Variants in PRPS1 observed in about 807,000 individuals in gnomAD.
PRPS1 encodes the protein phosphoribosyl pyrophosphate synthetase 1.
PRPS1 carries 1 observed loss-of-function variant against 16.9 expected under a neutral mutation model. That is an observed-to-expected ratio of 0.06 (90% CI 0.02 to 0.28). The LOEUF is 0.28. Ranked by LOEUF, PRPS1 falls within the 10% of genes least tolerant of loss-of-function variation. The probability of loss-of-function intolerance (pLI) is 1.00; values close to 1 mark genes in which losing one functional copy is unlikely to be tolerated. For missense variants in PRPS1, 47 were observed against 254.0 expected (o/e 0.19, Z 5.54); for synonymous variants, 70 against 90.2 (o/e 0.78, Z 1.27).
At chrX:107,648,923 C>G (rs1925766883) in intron 6 of PRPS1, among the ~76,000 whole-genome samples, 1 of 110,113 alleles carries the variant, frequency 9.1e-6, no homozygotes, top group Non-Finnish European at 1.9e-5. Context: ...CCACGCCTGA[C>G]TAATTTTTTA....
In PRPS1 at chrX:107,647,711, A is replaced by G. The variant is rs1304635289; in HGVS notation, c.810A>G (p.Val270=). 8.3e-7 allele frequency: 1 copy of G among 1,209,576 alleles called. No individual in the cohort carries two copies. The highest frequency in any genetic ancestry group is 1.7e-5 in the African/African-American group (1 of 57,241). The change falls in exon 6 of 7, where the codon GTA becomes GTG. Residue 270 remains valine (V), a synonymous_variant. Transcript: ENST00000372435. ...RINNACFEAV[V]VTNTIPQEDK... is the part of the protein sequence containing the mutation. ...ACAACGCATGCTTTGAGGCAGTAGT[A>G]GTCACCAATACCATACCTCAGGAGG...
chrX:107,643,460 G>T (rs1229992494), intron 4 of PRPS1, among the ~76,000 whole-genome samples: 4 of 111,918 alleles, frequency 3.6e-5, no homozygotes, highest in Non-Finnish European at 7.5e-5. Flanking sequence ...CCAAAGGTGG[G>T]TATAGGAAAA....
intron 1 of PRPS1, among the ~76,000 whole-genome samples, chrX:107,635,216 T>C (rs1305131585): frequency 1.8e-5 from 2 of 112,179 alleles, no homozygotes; most frequent in African/African-American, 6.5e-5. Context: ...CAAACTACAT[T>C]TGTTCATTTG....
chrX:107,648,292 TCC>T (rs1925747549), intron 6 of PRPS1, among the ~76,000 whole-genome samples: 1 of 112,156 alleles, frequency 8.9e-6, no homozygotes, highest in South Asian at 3.7e-4. Flanking sequence ...TTAAAGTAAT[TCC>T]CCAAGTAATT....
chrX:107,648,618 G>C (rs1189427761), intron 6 of PRPS1, among the ~76,000 whole-genome samples: 1 of 108,289 alleles, frequency 9.2e-6, no homozygotes, highest in Non-Finnish European at 1.9e-5. Context: ...TCCCTATGTT[G>C]CCCAGGCTGG....
chrX:107,631,116 G>T (rs1440269166), intron 1 of PRPS1, among the ~76,000 whole-genome samples: 1 of 112,115 alleles, frequency 8.9e-6, no homozygotes, highest in Non-Finnish European at 1.9e-5. Context: ...TTTCAAGAAT[G>T]TTTAATACAT....
intron 1 of PRPS1, among the ~76,000 whole-genome samples, chrX:107,638,487 G>A (rs981995841): frequency 5.4e-5 from 6 of 111,374 alleles, no homozygotes; most frequent in East Asian, 5.7e-4. Context: ...CAGGTGATCC[G>A]CCCACCTCAG....
chrX:107,646,450 T>C (rs1389082243), intron 5 of PRPS1, among the ~76,000 whole-genome samples: 2 of 111,652 alleles, frequency 1.8e-5, no homozygotes, highest in Non-Finnish European at 3.8e-5. Context: ...CTTGTGTCTG[T>C]GCCTTGCACA....
chrX:107,640,856 C>A, intron 2 of PRPS1, 46 bp from the exon 3 acceptor site: 2 of 1,186,330 alleles, frequency 1.7e-6, no homozygotes, highest in South Asian at 3.5e-5. Flanking sequence ...AATTGTTTTT[C>A]AAATTGGCTT....
At chrX:107,640,764 A>G (rs1232136204) in intron 2 of PRPS1, 138 bp from the exon 3 acceptor site, 1 of 627,640 alleles carries the variant, frequency 1.6e-6, no homozygotes, top group Non-Finnish European at 2.6e-6. Context: ...AAGTCAATGG[A>G]CATGTCTCCT....
chrX:107,639,253 T>TG, intron 1 of PRPS1, 42 bp from the exon 2 acceptor site: 1 of 1,183,005 alleles, frequency 8.5e-7, no homozygotes, highest in Non-Finnish European at 1.2e-6. Context: ...GACAGTACAG[T>TG]GGTTTAAAAT....
intron 6 of PRPS1, among the ~76,000 whole-genome samples, chrX:107,649,290 T>C (rs1299840357): frequency 9.0e-6 from 1 of 111,478 alleles, no homozygotes; most frequent in Non-Finnish European, 1.9e-5. Flanking sequence ...TTTCACCATA[T>C]TGCCCAGGCT....
At position 107,650,939 on chromosome X, in the gene PRPS1, C is replaced by G; in HGVS notation, c.*907C>G. Reference sequence around the variant, plus strand: ...TCTTCCTTCTTTGGATCTATTTGGCCTCTCAAATGAACTGAGATTCCTGTT... The same window carrying G: ...TCTTCCTTCTTTGGATCTATTTGGCGTCTCAAATGAACTGAGATTCCTGTT... On this transcript the variant is annotated 3_prime_UTR_variant, in exon 7 of 7. Transcript: ENST00000372435. The G allele has an allele frequency of 4.1e-6, 1 of 243,075 alleles. No homozygotes were observed. The highest frequency in any genetic ancestry group is 7.3e-6 in the Non-Finnish European group (1 of 136,197). 20.0% of individuals were successfully genotyped at this position (243,075 alleles called of 1,213,427 possible).
Position 107,639,045 on chromosome X carries a change from C to T in PRPS1, c.123-250C>T, listed in dbSNP as rs750818907. 7.3e-4 allele frequency among the ~76,000 whole-genome samples: 82 copies of T among 112,486 alleles called. 1 individual carries two copies. Among genetic ancestry groups the T allele is most frequent in the African/African-American group, 2.5e-3 (79 of 31,047 alleles). ...CCACTGCGCCCAGCCCTGCCATATA[C>T]TTTAAATCATCTCTAGATTACTTAT... On this transcript the variant is annotated intron_variant, in intron 1 of 6. Coordinates refer to ENST00000372435, the MANE Select transcript of PRPS1 (RefSeq NM_002764.4).
intron 4 of PRPS1, among the ~76,000 whole-genome samples, chrX:107,642,823 A>G (rs1402781779): frequency 8.9e-6 from 1 of 112,177 alleles, no homozygotes; most frequent in Non-Finnish European, 1.9e-5. Context: ...AGCAGCTGCT[A>G]TTGAACCACA....
At chrX:107,642,253 CA>C (rs1925590763) in intron 3 of PRPS1, 112 bp from the exon 4 acceptor site, 2 of 1,050,047 alleles carry the variant, frequency 1.9e-6, no homozygotes, top group South Asian at 3.8e-5. Flanking sequence ...GCCTTCCCAT[CA>C]GTTTGAATGT....
intron 1 of PRPS1, chrX:107,629,876 A>G (rs1430619860): frequency 8.9e-6 from 1 of 112,609 alleles, no homozygotes; most frequent in Non-Finnish European, 1.9e-5. Flanking sequence ...CCTGCCCACA[A>G]TCTTACAGAT....
chrX:107,649,298 G>A (rs779341004), intron 6 of PRPS1, among the ~76,000 whole-genome samples: 2 of 111,567 alleles, frequency 1.8e-5, no homozygotes, highest in South Asian at 7.5e-4. Context: ...TATTGCCCAG[G>A]CTGGACTCAA....
At chrX:107,630,246 T>C (rs1925279038) in intron 1 of PRPS1, 1 of 112,809 alleles carries the variant, frequency 8.9e-6, no homozygotes. Flanking sequence ...GCAATATAGT[T>C]AGGGGACAAG....
Sources: allele counts gnomAD v4.1 joint callset (sites outside exome capture counted in the v4.1 genomes callset), GRCh38; gene constraint gnomAD v4.1.1; transcripts MANE v1.5; gene names NCBI Gene and HGNC (gene_info 2026-07-23, HGNC 2026-07-21).